The following AIM2 variants were observed in gnomAD, a reference collection of about 807,000 sequenced individuals.
The protein encoded by AIM2 is interferon-inducible protein AIM2.
Under a neutral mutation model 27.7 loss-of-function variants are expected in AIM2, and 30 were observed. That is an observed-to-expected ratio of 1.08 (90% CI 0.81 to 1.47). The LOEUF is 1.47. Among genes scored for constraint, AIM2 ranks in the 40% most tolerant of loss-of-function variants. The pLI is 0.00. For missense variants in AIM2, 358 were observed against 411.3 expected (o/e 0.87, Z 1.12); for synonymous variants, 141 against 145.3 (o/e 0.97, Z 0.21).
intron 1 of AIM2, among the ~76,000 whole-genome samples, chr1:159,117,349 A>C (rs1439761253): frequency 6.6e-6 from 1 of 152,214 alleles, no homozygotes; most frequent in Non-Finnish European, 1.5e-5. Flanking sequence ...TCTGGAGAAA[A>C]GGTATAGTTA....
intron 1 of AIM2, among the ~76,000 whole-genome samples, chr1:159,084,499 C>T (rs780194730): frequency 3.9e-5 from 6 of 152,078 alleles, no homozygotes; most frequent in Non-Finnish European, 5.9e-5. Context: ...AGGCCAGGCA[C>T]GGTGGCTCAT....
At chr1:159,080,398 T>C (rs180939107), upstream of AIM2, among the ~76,000 whole-genome samples, 6 of 152,352 alleles carry the variant, frequency 3.9e-5, no homozygotes, top group East Asian at 7.7e-4. Flanking sequence ...ATCTTGTCCA[T>C]AGATTTCTTA....
upstream of AIM2, among the ~76,000 whole-genome samples, chr1:159,142,917 C>T (rs1239503818): frequency 6.6e-6 from 1 of 151,996 alleles, no homozygotes; most frequent in African/African-American, 2.4e-5. Flanking sequence ...TTGTGTTCAC[C>T]ACCCCACTCC....
intron 1 of AIM2, among the ~76,000 whole-genome samples, chr1:159,129,495 C>T (rs1200393219): frequency 1.3e-5 from 2 of 152,178 alleles, no homozygotes; most frequent in Non-Finnish European, 2.9e-5. Flanking sequence ...GTTAATGGTG[C>T]AAGTCTCAAG....
chr1:159,066,427 G>A, intron 3 of AIM2, 98 bp from the exon 4 acceptor site: 1 of 1,249,288 alleles, frequency 8.0e-7, no homozygotes, highest in Non-Finnish European at 1.1e-6. Flanking sequence ...AAAGCCAGCA[G>A]AAGATAGGTG....
At chr1:159,084,468 T>G (rs532646782) in intron 1 of AIM2, among the ~76,000 whole-genome samples, 8 of 152,196 alleles carry the variant, frequency 5.3e-5, no homozygotes, top group African/African-American at 1.9e-4. Context: ...AGACAGAAAC[T>G]TTATTAAAAA....
chr1:159,056,301 G>A, the AIM2 span, among the ~76,000 whole-genome samples: 6,888 of 152,214 alleles, frequency 0.045, 229 homozygotes, highest in Non-Finnish European at 0.071. Flanking sequence ...GCAAACTTCT[G>A]TGGCTTCACC....
chr1:159,084,798 C>CACACACACATACAG (rs1656866858), intron 1 of AIM2, among the ~76,000 whole-genome samples: 1 of 150,078 alleles, frequency 6.7e-6, no homozygotes, highest in African/African-American at 2.5e-5. Flanking sequence ...CACACACACA[C>CACACACACATACAG]ACACACACAC....
At chr1:159,091,018 C>G (rs912692732) in intron 1 of AIM2, among the ~76,000 whole-genome samples, 1 of 152,054 alleles carries the variant, frequency 6.6e-6, no homozygotes, top group African/African-American at 2.4e-5. Flanking sequence ...CAGTCTCTTG[C>G]TGAAATGGAA....
At chr1:159,095,248 A>C (rs1657147718) in intron 1 of AIM2, among the ~76,000 whole-genome samples, 1 of 152,252 alleles carries the variant, frequency 6.6e-6, no homozygotes, top group Non-Finnish European at 1.5e-5. Context: ...GAAAACATTT[A>C]AATCTATCCC....
intron 1 of AIM2, among the ~76,000 whole-genome samples, chr1:159,128,104 T>C (rs1382767040): frequency 2.6e-5 from 4 of 152,222 alleles, no homozygotes; most frequent in Non-Finnish European, 2.9e-5. Context: ...GGACTTTGTA[T>C]GTCTTGTTTA....
upstream of AIM2, chr1:159,077,051 G>A (rs1409964010): frequency 2.0e-5 from 3 of 152,246 alleles, no homozygotes; most frequent in East Asian, 5.8e-4. Context: ...GTATAAACAA[G>A]CACACTGATC....
In AIM2 at chr1:159,062,579, C is replaced by A; in HGVS notation, c.*113G>T. 1.0e-6 allele frequency: 1 copy of A among 962,802 alleles called. No individual in the cohort carries two copies. The highest frequency in any genetic ancestry group is 1.6e-6 in the Non-Finnish European group (1 of 614,760). The allele number at this position is 962,802 out of a possible 1,614,324, so 59.6% of individuals were successfully genotyped here. A position where few individuals can be genotyped will look rare whatever the true frequency, so the allele number is the denominator to read the frequency against. Reference sequence around the variant, plus strand: ...ATCCTAATTTGGTGGAGAGAGGAGCCTGTGAACTGCAGCTTTCAGGTAACT... The same window carrying A: ...ATCCTAATTTGGTGGAGAGAGGAGCATGTGAACTGCAGCTTTCAGGTAACT... On this transcript the variant is annotated 3_prime_UTR_variant, in exon 6 of 6. Transcript: ENST00000368130.
chr1:159,118,261 T>G (rs1647436764), intron 1 of AIM2, among the ~76,000 whole-genome samples: 1 of 152,228 alleles, frequency 6.6e-6, no homozygotes. Context: ...GCACAGACTG[T>G]GGTTTTGTAT....
At chr1:159,113,070 G>A (rs1271590830) in intron 1 of AIM2, among the ~76,000 whole-genome samples, 2 of 151,876 alleles carry the variant, frequency 1.3e-5, no homozygotes, top group African/African-American at 4.8e-5. Flanking sequence ...TCAGCCTCCG[G>A]AGTAGCTGGG....
intron 1 of AIM2, among the ~76,000 whole-genome samples, chr1:159,137,861 G>A (rs544142189): frequency 1.3e-5 from 2 of 152,138 alleles, no homozygotes; most frequent in Non-Finnish European, 2.9e-5. Context: ...AAACCAGGAC[G>A]CTGCTGGTGA....
upstream of AIM2, among the ~76,000 whole-genome samples, chr1:159,077,416 C>T (rs1341431689): frequency 6.6e-6 from 1 of 152,172 alleles, no homozygotes; most frequent in African/African-American, 2.4e-5. Flanking sequence ...GTGGGAATTT[C>T]CCCATGGAAG....
chr1:159,113,796 T>C (rs900812841), intron 1 of AIM2, among the ~76,000 whole-genome samples: 5 of 152,218 alleles, frequency 3.3e-5, no homozygotes, highest in African/African-American at 1.2e-4. Flanking sequence ...GGTAAGAACA[T>C]ATATCAGATA....
chr1:159,106,172 C>A (rs551259026), intron 1 of AIM2, among the ~76,000 whole-genome samples: 1 of 152,114 alleles, frequency 6.6e-6, no homozygotes, highest in Non-Finnish European at 1.5e-5. Context: ...AGCACAGCAA[C>A]GCTGGGTCCG....
Sources: gnomAD v4.1 joint callset for allele counts (sites outside exome capture counted in the v4.1 genomes callset) on GRCh38, gnomAD v4.1.1 for gene constraint, MANE v1.5 for transcripts, NCBI Gene and HGNC (gene_info 2026-07-23, HGNC 2026-07-21) for gene names.